CLASP1: variants seen among roughly 807,000 people sequenced by gnomAD.
CLASP1 encodes CLIP-associating protein 1.
Under a neutral mutation model 192.3 loss-of-function variants are expected in CLASP1, and 38 were observed. That is an observed-to-expected ratio of 0.20 (90% confidence interval 0.15 to 0.26). CLASP1 has a LOEUF of 0.26. CLASP1 is among the 10% of genes least tolerant of loss of function. CLASP1 has a pLI of 1.00. For synonymous variants in CLASP1, 691 were observed against 712.8 expected, an observed-to-expected ratio of 0.97 and a Z score of 0.49; for missense variants, 1,433 against 1,932.5, an observed-to-expected ratio of 0.74 and a Z score of 4.85.
At chr2:121,463,799 G>A (rs1384138040) in intron 9 of CLASP1, among the ~76,000 whole-genome samples, 5 of 152,020 alleles carry the variant, frequency 3.3e-5, no homozygotes, top group South Asian at 2.1e-4. Context: ...GGGTATGGAC[G>A]CGAGATGGGA....
chr2:121,447,433 C>A (rs778343148), exon 19 of CLASP1: 1 of 1,563,972 alleles, frequency 6.4e-7, no homozygotes, highest in Non-Finnish European at 8.7e-7. Context: ...CTGGCTGCTG[C>A]GTTCACATCA....
intron 27 of CLASP1, 78 bp from the exon 29 acceptor site, chr2:121,401,750 C>T: frequency 8.1e-7 from 1 of 1,234,660 alleles, no homozygotes. Flanking sequence ...ATTAAAAATG[C>T]CCATACGTGC....
chr2:121,391,120 ATAT>A (rs1194730681), intron 30 of CLASP1, among the ~76,000 whole-genome samples: 4 of 152,328 alleles, frequency 2.6e-5, no homozygotes, highest in African/African-American at 4.8e-5. Context: ...ACACGCTCAT[ATAT>A]TATTATATTA....
chr2:121,582,251 GACAGGACAGA>G (rs1219628220), intron 2 of CLASP1, among the ~76,000 whole-genome samples: 5 of 149,984 alleles, frequency 3.3e-5, no homozygotes, highest in African/African-American at 1.2e-4. Flanking sequence ...AGGAGGACAG[GACAGGACAGA>G]ACAGGACAGG....
intron 14 of CLASP1, among the ~76,000 whole-genome samples, chr2:121,456,375 G>A (rs748175321): frequency 6.6e-6 from 1 of 151,456 alleles, no homozygotes; most frequent in Non-Finnish European, 1.5e-5. Flanking sequence ...AAGATTAGTG[G>A]GCCATGGTGG....
intron 32 of CLASP1, among the ~76,000 whole-genome samples, chr2:121,383,543 A>T (rs1354514086): frequency 1.3e-5 from 2 of 151,970 alleles, no homozygotes; most frequent in African/African-American, 4.8e-5. Flanking sequence ...CCCCACTTTG[A>T]TTCTATCCAT....
In CLASP1 at chr2:121,487,186, T is replaced by C. The variant is rs576320653; in HGVS notation, c.712+15981A>G. On this transcript the variant is annotated intron_variant, in intron 8 of 39. Transcript: ENST00000263710. ...CTAAATAAGCACTGGGTGTGGTCAGTGCTGCTTAGAACCACCTCTCACTTC... is the reference window on the plus strand; with the variant it reads ...CTAAATAAGCACTGGGTGTGGTCAGCGCTGCTTAGAACCACCTCTCACTTC... 2.1e-3 allele frequency among the ~76,000 whole-genome samples: 317 copies of C among 152,300 alleles called. 1 individual carries two copies. The highest frequency in any genetic ancestry group is 6.1e-3 in the African/African-American group (254 of 41,566).
At chr2:121,558,349 G>A (rs1403460213) in intron 2 of CLASP1, among the ~76,000 whole-genome samples, 1 of 152,086 alleles carries the variant, frequency 6.6e-6, no homozygotes, top group African/African-American at 2.4e-5. Flanking sequence ...AAATCCTCCA[G>A]GCATCCTAGG....
chr2:121,508,433 A>AC (rs2094009730), intron 7 of CLASP1, among the ~76,000 whole-genome samples: 2 of 152,238 alleles, frequency 1.3e-5, no homozygotes, highest in Admixed American at 6.5e-5. Flanking sequence ...ATAACGCAGT[A>AC]ACAGAGGAAC....
chr2:121,459,451 C>A (rs2149862948), intron 12 of CLASP1, among the ~76,000 whole-genome samples: 1 of 152,314 alleles, frequency 6.6e-6, no homozygotes, highest in East Asian at 1.9e-4. Flanking sequence ...GCTTCAAAAT[C>A]TGACTTCAGC....
At chr2:121,636,283 C>G (rs1483443466) in intron 1 of CLASP1, among the ~76,000 whole-genome samples, 1 of 150,972 alleles carries the variant, frequency 6.6e-6, no homozygotes, top group East Asian at 1.9e-4. Context: ...TTACAGTGGG[C>G]TGAGACTGCG....
At chr2:121,562,963 G>A (rs1381117107) in intron 2 of CLASP1, among the ~76,000 whole-genome samples, 1 of 152,112 alleles carries the variant, frequency 6.6e-6, no homozygotes, top group Non-Finnish European at 1.5e-5. Flanking sequence ...CCCAACACAG[G>A]CCAAGCTAAT....
intron 34 of CLASP1, among the ~76,000 whole-genome samples, chr2:121,369,791 T>C (rs2068218215): frequency 6.6e-6 from 1 of 152,252 alleles, no homozygotes. Context: ...ATATTTTTGC[T>C]ACTGTAGATA....
At chr2:121,461,903 G>C (rs2088060773) in intron 10 of CLASP1, among the ~76,000 whole-genome samples, 1 of 152,096 alleles carries the variant, frequency 6.6e-6, no homozygotes, top group African/African-American at 2.4e-5. Context: ...TGAGATTCTT[G>C]TTACCTGCTT....
intron 9 of CLASP1, among the ~76,000 whole-genome samples, chr2:121,465,422 T>C (rs2089336762): frequency 6.6e-6 from 1 of 152,198 alleles, no homozygotes. Context: ...CATTCACAAT[T>C]GCTTCAAAGA....
chr2:121,522,558 A>G (rs2094481947), intron 6 of CLASP1, among the ~76,000 whole-genome samples: 1 of 152,268 alleles, frequency 6.6e-6, no homozygotes, highest in South Asian at 2.1e-4. Flanking sequence ...CTGCTTCTTC[A>G]TAAATCATTT....
chr2:121,590,520 G>C (rs568414112), intron 2 of CLASP1, among the ~76,000 whole-genome samples: 14 of 152,098 alleles, frequency 9.2e-5, no homozygotes, highest in Admixed American at 3.3e-4. Context: ...TAGCATGATC[G>C]GTCTTATCTA....
chr2:121,528,404 A>G lies in CLASP1; in HGVS notation c.378+273T>C, dbSNP rs77591903. Among the ~76,000 whole-genome samples, 291 of 152,372 alleles carry G rather than the reference A, an allele frequency of 1.9e-3. 6 individuals carry two copies. The East Asian group carries it at 0.052, about 27-fold the overall frequency. ...TTCAGAGAATTGGAGAGTCGGTTAC[A>G]TAAATGAGCTGAAGAGTCTAATGGA... On this transcript the variant is annotated intron_variant, in intron 4 of 39. Transcript: ENST00000263710.
intron 37 of CLASP1, among the ~76,000 whole-genome samples, chr2:121,351,841 T>C (rs956759390): frequency 6.6e-6 from 1 of 152,224 alleles, no homozygotes; most frequent in Non-Finnish European, 1.5e-5. Flanking sequence ...CGAAGCACTG[T>C]AGAGAGGCAA....
Sources: allele counts gnomAD v4.1 joint callset (sites outside exome capture counted in the v4.1 genomes callset), GRCh38; gene constraint gnomAD v4.1.1; transcripts MANE v1.5; gene names NCBI Gene and HGNC (gene_info 2026-07-23, HGNC 2026-07-21).